Variants in AHI1 observed in about 807,000 individuals in gnomAD.
The protein encoded by AHI1 is jouberin.
A neutral mutation model predicts 149.3 loss-of-function variants in AHI1; 123 were observed. The observed-to-expected ratio is 0.82, with a 90% CI of 0.71 to 0.96. The LOEUF is 0.96. Ranked by LOEUF, AHI1 falls within the 40% of genes least tolerant of loss-of-function variation. AHI1 has a pLI of 0.00. For missense variants in AHI1, 1,439 were observed against 1,422.7 expected, an observed-to-expected ratio of 1.01 and a Z score of -0.18; for synonymous variants, 475 against 459.8, an observed-to-expected ratio of 1.03 and a Z score of -0.42.
At chr6:135,443,009 C>G (rs1786565955) in intron 13 of AHI1, among the ~76,000 whole-genome samples, 1 of 152,180 alleles carries the variant, frequency 6.6e-6, no homozygotes, top group South Asian at 2.1e-4. Context: ...CACACTGCTT[C>G]TATATAGCTA....
intron 23 of AHI1, among the ~76,000 whole-genome samples, chr6:135,381,829 C>G (rs185674070): frequency 2.6e-5 from 4 of 152,188 alleles, no homozygotes; most frequent in Admixed American, 2.6e-4. Context: ...CCTCTGAGGG[C>G]TTTCATCTTC....
intron 20 of AHI1, among the ~76,000 whole-genome samples, chr6:135,416,830 A>G (rs1001194856): frequency 2.6e-5 from 4 of 152,060 alleles, no homozygotes; most frequent in Non-Finnish European, 5.9e-5. Flanking sequence ...GTACCAAAGG[A>G]TATTATCAAG....
chr6:135,362,769 C>T (rs1582821493), intron 23 of AHI1, among the ~76,000 whole-genome samples: 1 of 151,920 alleles, frequency 6.6e-6, no homozygotes, highest in Non-Finnish European at 1.5e-5. Flanking sequence ...TATAGTAGTC[C>T]TTTGTCAGAT....
intron 3 of AHI1, among the ~76,000 whole-genome samples, chr6:135,494,196 A>G (rs916942543): frequency 6.6e-6 from 1 of 152,232 alleles, no homozygotes; most frequent in African/African-American, 2.4e-5. Flanking sequence ...TAGTTTCCAT[A>G]GTCACTTGCG....
intron 12 of AHI1, among the ~76,000 whole-genome samples, chr6:135,447,669 G>A (rs1787455195): frequency 6.6e-6 from 1 of 152,094 alleles, no homozygotes; most frequent in African/African-American, 2.4e-5. Context: ...CAAGAAACTA[G>A]ACAAAAGCAA....
intron 5 of AHI1, among the ~76,000 whole-genome samples, chr6:135,470,290 G>T (rs1189013775): frequency 6.6e-6 from 1 of 152,100 alleles, no homozygotes; most frequent in Non-Finnish European, 1.5e-5. Flanking sequence ...AGTCAGAATG[G>T]CAATTATTAA....
intron 22 of AHI1, 118 bp downstream of exon 22, chr6:135,404,833 A>C (rs1780527105): frequency 1.2e-6 from 1 of 855,704 alleles, no homozygotes. Context: ...TCCAATAATG[A>C]AAGTACACAT....
At chr6:135,424,734 T>C (rs997369458) in intron 20 of AHI1, among the ~76,000 whole-genome samples, 1 of 152,146 alleles carries the variant, frequency 6.6e-6, no homozygotes, top group Non-Finnish European at 1.5e-5. Flanking sequence ...ATACATTTAG[T>C]TACCACTGTG....
At chr6:135,373,786 C>A (rs1775426466) in intron 23 of AHI1, among the ~76,000 whole-genome samples, 2 of 152,110 alleles carry the variant, frequency 1.3e-5, no homozygotes, top group Admixed American at 1.3e-4. Flanking sequence ...ATATGTCCAG[C>A]AATCTTATGT....
intron 13 of AHI1, 44 bp downstream of exon 13, chr6:135,446,964 A>G (rs1024360839): frequency 6.4e-7 from 1 of 1,562,668 alleles, no homozygotes; most frequent in Non-Finnish European, 8.7e-7. Flanking sequence ...TTTTAAGGTA[A>G]TAAGTAAACA....
At chr6:135,472,105 T>C (rs180745253) in intron 5 of AHI1, among the ~76,000 whole-genome samples, 22 of 150,208 alleles carry the variant, frequency 1.5e-4, no homozygotes, top group African/African-American at 4.9e-4. Flanking sequence ...TAAATGAATT[T>C]TGGCAAATGT....
At chr6:135,492,710 C>G in intron 3 of AHI1, 2 of 985,372 alleles carry the variant, frequency 2.0e-6, no homozygotes, top group Non-Finnish European at 2.4e-6. Flanking sequence ...GGGTAGCACA[C>G]TCACAGTGAA....
rs959507180 is a variant in AHI1 at position 135,287,807 on chromosome 6, C to T, written c.3589-2160G>A. Among the ~76,000 whole-genome samples the T allele has an allele frequency of 1.1e-4, 16 of 150,678 alleles. 1 individual carries two copies. Among genetic ancestry groups the T allele is most frequent in the South Asian group, 4.1e-4 (2 of 4,824 alleles). On this transcript the variant is annotated intron_variant, in intron 28 of 28. Transcript: ENST00000265602. ...TGGGGAATAAGATTCATAAAAATAC[C>T]GGGCCGTGGCCGGGCATGGTGGCTC...
At chr6:135,415,818 C>A (rs1782291061) in intron 20 of AHI1, among the ~76,000 whole-genome samples, 2 of 152,010 alleles carry the variant, frequency 1.3e-5, no homozygotes, top group Non-Finnish European at 2.9e-5. Flanking sequence ...TTAAACAACA[C>A]CCAACAATAT....
chr6:135,394,833 G>T lies in AHI1; in HGVS notation c.3052C>A (p.Gln1018Lys). 1 of 1,607,898 alleles carries T rather than the reference G, an allele frequency of 6.2e-7. No homozygotes were observed. ...TCTTGAGCGGTCAGCATGTTTGACT[G>T]CTTTAACTTAGACTGTTGTGAGGAA... ...AVSSQQSKLKQSNMLTAQEIL... is the reference protein window; with the variant it reads ...AVSSQQSKLKKSNMLTAQEIL... The change falls in exon 23 of 29, where the codon CAG becomes AAG. Residue 1018 changes from glutamine (Q) to lysine (K), a missense_variant. Coordinates refer to ENST00000265602, the MANE Select transcript of AHI1 (RefSeq NM_001134831.2).
rs1387383014 is a variant in AHI1, at chr6:135,285,637, T to C, written c.*8A>G. 2 of 1,607,698 alleles carry C rather than the reference T, an allele frequency of 1.2e-6. No individual in the cohort carries two copies. The highest frequency in any genetic ancestry group is 4.5e-5 in the East Asian group (2 of 44,796). The stretch of plus-strand genomic sequence containing the variant: ...CATTTCGGCAGCTCTTAACTTTTCT[T>C]CAATTCTTTACTGGAAAGAAAAATA... On this transcript the variant is annotated 3_prime_UTR_variant, in exon 29 of 29. Coordinates refer to ENST00000265602, the MANE Select transcript of AHI1 (RefSeq NM_001134831.2).
chr6:135,462,253 A>C lies in AHI1; in HGVS notation c.931+872T>G, dbSNP rs114932275. Among the ~76,000 whole-genome samples the C allele has an allele frequency of 1.3e-3, 199 of 152,158 alleles. 3 individuals carry two copies. The highest frequency in any genetic ancestry group is 4.7e-3 in the African/African-American group (195 of 41,468). On this transcript the variant is annotated intron_variant, in intron 8 of 28. Coordinates refer to ENST00000265602, the MANE Select transcript of AHI1 (RefSeq NM_001134831.2). Reference sequence around the variant, plus strand: ...CCCATTTTAATCCCAATTTTTGGCCAATCAAATGGAAACTGAAAGACTAAA... The same window carrying C: ...CCCATTTTAATCCCAATTTTTGGCCCATCAAATGGAAACTGAAAGACTAAA...
chr6:135,315,279 C>T (rs1785772736), intron 26 of AHI1, among the ~76,000 whole-genome samples: 1 of 152,172 alleles, frequency 6.6e-6, no homozygotes, highest in Non-Finnish European at 1.5e-5. Context: ...ATAACCTGAG[C>T]TGCCTGACAT....
At chr6:135,300,654 G>A in intron 26 of AHI1, 96 bp from the exon 27 acceptor site, 3 of 1,532,424 alleles carry the variant, frequency 2.0e-6, no homozygotes, top group Non-Finnish European at 2.6e-6. Context: ...CTTCCTGAAT[G>A]GGGAGAGAAT....
Sources: gnomAD v4.1 joint callset for allele counts (sites outside exome capture counted in the v4.1 genomes callset) on GRCh38, gnomAD v4.1.1 for gene constraint, MANE v1.5 for transcripts, NCBI Gene and HGNC (gene_info 2026-07-23, HGNC 2026-07-21) for gene names.